Variants in PICALM observed in about 807,000 individuals in gnomAD.
PICALM encodes phosphatidylinositol binding clathrin assembly protein.
In PICALM, 40 loss-of-function variants were observed where a neutral mutation model predicts 80.5. That is an observed-to-expected ratio of 0.50 (90% CI 0.39 to 0.65). The LOEUF is 0.65. PICALM is among the 30% of genes least tolerant of loss of function. PICALM has a pLI of 0.00. For missense variants in PICALM, 676 were observed against 778.9 expected, an observed-to-expected ratio of 0.87 and a Z score of 1.57; for synonymous variants, 288 against 260.3, an observed-to-expected ratio of 1.11 and a Z score of -1.02.
At chr11:86,002,124 G>A (rs2095161872) in intron 9 of PICALM, among the ~76,000 whole-genome samples, 1 of 152,148 alleles carries the variant, frequency 6.6e-6, no homozygotes, top group Non-Finnish European at 1.5e-5. Flanking sequence ...AACATTTCAG[G>A]TAAATTGGTG....
At chr11:86,025,869 T>G (rs564293600) in intron 3 of PICALM, among the ~76,000 whole-genome samples, 3 of 152,314 alleles carry the variant, frequency 2.0e-5, no homozygotes, top group South Asian at 4.1e-4. Flanking sequence ...TTACATAGCA[T>G]GTCTTGTGTG....
chr11:85,958,426 G>T lies in PICALM; in HGVS notation c.*620C>A, dbSNP rs1039330151. The T allele has an allele frequency of 9.4e-6, 2 of 212,254 alleles. No individual in the cohort carries two copies. Among genetic ancestry groups the T allele is most frequent in the African/African-American group, 4.5e-5 (2 of 44,138 alleles). The allele number at this position is 212,254 out of a possible 1,614,324, so 13.1% of individuals were successfully genotyped here. A position where few individuals can be genotyped will look rare whatever the true frequency, so the allele number is the denominator to read the frequency against. ...CTTGTGGATAAAAATCAAACATACT[G>T]TGCACATCCATACTCATTTTCATAA... On this transcript the variant is annotated 3_prime_UTR_variant, in exon 20 of 20. Transcript: ENST00000393346.
intron 4 of PICALM, among the ~76,000 whole-genome samples, chr11:86,020,722 A>G (rs990003737): frequency 6.6e-6 from 1 of 152,356 alleles, no homozygotes; most frequent in African/African-American, 2.4e-5. Flanking sequence ...CACCATATAC[A>G]AAAGTTAATT....
At chr11:86,013,036 T>C (rs1242859729) in intron 5 of PICALM, among the ~76,000 whole-genome samples, 1 of 152,168 alleles carries the variant, frequency 6.6e-6, no homozygotes, top group East Asian at 1.9e-4. Flanking sequence ...ACACGGTAGC[T>C]CATGCCTGTG....
chr11:86,016,889 C>T (rs1037652795), intron 4 of PICALM, among the ~76,000 whole-genome samples: 1 of 152,178 alleles, frequency 6.6e-6, no homozygotes, highest in Non-Finnish European at 1.5e-5. Flanking sequence ...AAGCAATTGT[C>T]TGGTCTTCTT....
chr11:86,026,895 AG>A (rs1445799500), intron 2 of PICALM, among the ~76,000 whole-genome samples: 1 of 152,184 alleles, frequency 6.6e-6, no homozygotes, highest in Non-Finnish European at 1.5e-5. Context: ...CCCTCTTCAG[AG>A]GTGAGTACTT....
At chr11:86,028,736 A>T (rs940381709) in intron 2 of PICALM, among the ~76,000 whole-genome samples, 12 of 151,708 alleles carry the variant, frequency 7.9e-5, no homozygotes, top group Admixed American at 5.3e-4. Flanking sequence ...ACCTTTTGAG[A>T]TTTTTCTCTG....
intron 1 of PICALM, among the ~76,000 whole-genome samples, chr11:86,037,696 C>CT (rs1485364858): frequency 3.4e-5 from 4 of 117,628 alleles, no homozygotes; most frequent in African/African-American, 9.6e-5. Flanking sequence ...AAGACACTGT[C>CT]TAAAAAAAAA....
chr11:86,067,881 A>C lies in PICALM; in HGVS notation c.130+770T>G, dbSNP rs561551768. On this transcript the variant is annotated intron_variant, in intron 1 of 19. Coordinates refer to ENST00000393346, the MANE Select transcript of PICALM (RefSeq NM_007166.4). Reference sequence around the variant, plus strand: ...CCCAGTCAAAAGTATGGACAACACAACGATTAAATTCCACCAGAGGCAAAT... The same window carrying C: ...CCCAGTCAAAAGTATGGACAACACACCGATTAAATTCCACCAGAGGCAAAT... 3.3e-5 allele frequency among the ~76,000 whole-genome samples: 5 copies of C among 152,286 alleles called. No homozygotes were observed. The South Asian group carries it at 1.0e-3, about 32-fold the overall frequency.
At chr11:86,037,259 A>AT (rs763255182) in intron 1 of PICALM, among the ~76,000 whole-genome samples, 19,999 of 105,772 alleles carry the variant, frequency 0.19, 3,223 homozygotes, top group African/African-American at 0.24. Context: ...AAAAAAGAAA[A>AT]TTTTTTTTTT....
chr11:86,044,609 T>C (rs1337387852), intron 1 of PICALM, among the ~76,000 whole-genome samples: 2 of 152,196 alleles, frequency 1.3e-5, no homozygotes, highest in Non-Finnish European at 1.5e-5. Flanking sequence ...CTGTAGCTAG[T>C]AAGCATGTGA....
At chr11:86,061,664 G>A (rs926184962) in intron 1 of PICALM, among the ~76,000 whole-genome samples, 4 of 152,118 alleles carry the variant, frequency 2.6e-5, no homozygotes, top group African/African-American at 9.7e-5. Context: ...ATATAAAATG[G>A]TACCATCACT....
At chr11:85,966,539 C>T (rs1465686296) in intron 19 of PICALM, among the ~76,000 whole-genome samples, 5 of 152,146 alleles carry the variant, frequency 3.3e-5, no homozygotes, top group Non-Finnish European at 7.3e-5. Context: ...GGTAAGGAAA[C>T]TAAGGCTCAA....
Position 86,016,986 on chromosome 11 carries a change from C to A in PICALM, c.453-2023G>T, listed in dbSNP as rs184248997. 9.0e-3 allele frequency among the ~76,000 whole-genome samples: 1,368 copies of A among 152,252 alleles called. 25 individuals are homozygous for A. The highest frequency in any genetic ancestry group is 0.031 in the African/African-American group (1,281 of 41,544). On this transcript the variant is annotated intron_variant, in intron 4 of 19. Transcript: ENST00000393346. Reference sequence around the variant, plus strand: ...CTTGTAATCCCAGCACTTTGGGAGGCTGAGGGGCGAGTGGATCACGAGGTC... The same window carrying A: ...CTTGTAATCCCAGCACTTTGGGAGGATGAGGGGCGAGTGGATCACGAGGTC...
At position 86,014,822 on chromosome 11, in the gene PICALM, A is replaced by T. The variant is rs576412110; in HGVS notation, c.546+48T>A. On this transcript the variant is annotated intron_variant, in intron 5 of 19. Coordinates refer to ENST00000393346, the MANE Select transcript of PICALM (RefSeq NM_007166.4). ...TTGAGGTTAAAAATTCTCATGAATT[A>T]TAATGACCTAATTTTTTAAAATCTT... 3.3e-4 allele frequency: 361 copies of T among 1,090,060 alleles called. 6 individuals are homozygous for T. The South Asian group carries it at 4.9e-3, about 15-fold the overall frequency. The allele number at this position is 1,090,060 out of a possible 1,614,324, so 67.5% of individuals were successfully genotyped here.
chr11:85,964,648 G>A (rs1380044346), intron 19 of PICALM, among the ~76,000 whole-genome samples: 1 of 150,362 alleles, frequency 6.7e-6, no homozygotes, highest in Non-Finnish European at 1.5e-5. Flanking sequence ...AAATGTCATT[G>A]CCTCTGTGTT....
chr11:85,960,764 G>A, intron 19 of PICALM: 1 of 1,297,988 alleles, frequency 7.7e-7, no homozygotes, highest in Non-Finnish European at 1.0e-6. Flanking sequence ...GGAGGGGCTG[G>A]ATGCTGCCGA....
chr11:85,976,946 A>C (rs2094301949), intron 17 of PICALM: 1 of 270,740 alleles, frequency 3.7e-6, no homozygotes, highest in Non-Finnish European at 7.1e-6. Context: ...CATGCTTTTT[A>C]CAGCTTTAAA....
intron 4 of PICALM, among the ~76,000 whole-genome samples, chr11:86,019,348 CCACT>C (rs1463676036): frequency 6.6e-6 from 1 of 151,958 alleles, no homozygotes; most frequent in Non-Finnish European, 1.5e-5. Context: ...TTCTTGGTCC[CCACT>C]CAATTATGGC....
Sources: allele counts gnomAD v4.1 joint callset (sites outside exome capture counted in the v4.1 genomes callset), GRCh38; gene constraint gnomAD v4.1.1; transcripts MANE v1.5; gene names NCBI Gene and HGNC (gene_info 2026-07-23, HGNC 2026-07-21).